AUTS2: variants seen among roughly 807,000 people sequenced by gnomAD.
The protein encoded by AUTS2 is autism susceptibility gene 2 protein.
In AUTS2, 17 loss-of-function variants were observed where a neutral mutation model predicts 112.4. The observed-to-expected ratio is 0.15, with a 90% confidence interval of 0.10 to 0.23. The LOEUF (loss-of-function observed/expected upper bound fraction) is 0.23. Ranked by LOEUF, AUTS2 falls within the 10% of genes least tolerant of loss-of-function variation. The pLI, the probability that AUTS2 is intolerant of heterozygous loss-of-function variation, is 1.00. For synonymous variants in AUTS2, 751 were observed against 702.7 expected, an observed-to-expected ratio of 1.07 and a Z score of -1.09; for missense variants, 1,510 against 1,701.6, an observed-to-expected ratio of 0.89 and a Z score of 1.98.
chr7:70,102,531 TCACA>T (rs141456617), intron 2 of AUTS2, among the ~76,000 whole-genome samples: 41 of 149,744 alleles, frequency 2.7e-4, no homozygotes, highest in Non-Finnish European at 3.0e-5. Context: ...TTTGGTTAGA[TCACA>T]CACACACACA....
At chr7:70,130,357 A>G (rs1362881862) in intron 3 of AUTS2, among the ~76,000 whole-genome samples, 1 of 152,200 alleles carries the variant, frequency 6.6e-6, no homozygotes, top group East Asian at 1.9e-4. Context: ...TATTGTAAGT[A>G]TGCTGTTAAA....
At chr7:69,827,154 A>G (rs2129527065) in intron 1 of AUTS2, among the ~76,000 whole-genome samples, 1 of 152,266 alleles carries the variant, frequency 6.6e-6, no homozygotes, top group East Asian at 1.9e-4. Context: ...GAAAAGAGCC[A>G]CACCCAGGAA....
chr7:70,215,468 G>A (rs376047904), intron 4 of AUTS2, among the ~76,000 whole-genome samples: 7 of 152,176 alleles, frequency 4.6e-5, no homozygotes, highest in Non-Finnish European at 1.0e-4. Flanking sequence ...ACTGAAGAAT[G>A]TTAGGGGCTG....
chr7:69,778,325 A>T (rs1188961849), intron 1 of AUTS2, among the ~76,000 whole-genome samples: 1 of 150,570 alleles, frequency 6.6e-6, no homozygotes, highest in African/African-American at 2.4e-5. Context: ...TGGTCCATAG[A>T]CCACACTTGG....
At chr7:70,504,935 A>G (rs1056138257) in intron 5 of AUTS2, among the ~76,000 whole-genome samples, 1 of 152,212 alleles carries the variant, frequency 6.6e-6, no homozygotes, top group African/African-American at 2.4e-5. Flanking sequence ...TGTAATCTAA[A>G]TGGAAGAGGC....
intron 1 of AUTS2, among the ~76,000 whole-genome samples, chr7:69,737,197 G>A (rs759004805): frequency 2.6e-5 from 4 of 152,118 alleles, no homozygotes; most frequent in African/African-American, 4.8e-5. Context: ...TATGTTGTGC[G>A]AGTGTATAGA....
At chr7:70,781,949 G>C (rs1447039432) in intron 15 of AUTS2, 193 bp downstream of exon 15, 12 of 645,066 alleles carry the variant, frequency 1.9e-5, no homozygotes, top group Non-Finnish European at 2.8e-5. Flanking sequence ...TTTCATTAAA[G>C]GAGGAGGCAG....
intron 2 of AUTS2, among the ~76,000 whole-genome samples, chr7:70,098,129 G>T (rs1562690597): frequency 6.6e-6 from 1 of 152,134 alleles, no homozygotes; most frequent in Non-Finnish European, 1.5e-5. Context: ...GTATTCTTTG[G>T]AGTTTATAAA....
chr7:69,687,728 G>T (rs528739262), intron 1 of AUTS2, among the ~76,000 whole-genome samples: 1 of 152,030 alleles, frequency 6.6e-6, no homozygotes, highest in African/African-American at 2.4e-5. Flanking sequence ...ATCCTAACGC[G>T]TATGATAACC....
chr7:69,730,358 C>T (rs188627654), intron 1 of AUTS2, among the ~76,000 whole-genome samples: 26 of 152,028 alleles, frequency 1.7e-4, no homozygotes, highest in African/African-American at 5.8e-4. Context: ...ACTTGTCATC[C>T]CTTCTGAGAT....
At chr7:69,794,274 A>G (rs565887532) in intron 1 of AUTS2, among the ~76,000 whole-genome samples, 6 of 152,284 alleles carry the variant, frequency 3.9e-5, no homozygotes, top group South Asian at 4.1e-4. Flanking sequence ...CATCTGTCCT[A>G]TAGCACTTTT....
At chr7:69,655,223 T>C (rs1179147066) in intron 1 of AUTS2, among the ~76,000 whole-genome samples, 1 of 152,178 alleles carries the variant, frequency 6.6e-6, no homozygotes, top group Non-Finnish European at 1.5e-5. Context: ...AATCTTGCAT[T>C]GTGGCTGAGT....
chr7:69,745,142 T>C (rs557951964), intron 1 of AUTS2, among the ~76,000 whole-genome samples: 1 of 152,290 alleles, frequency 6.6e-6, no homozygotes, highest in Non-Finnish European at 1.5e-5. Context: ...AAGAAACTCT[T>C]TCTCCGGCTG....
intron 6 of AUTS2, among the ~76,000 whole-genome samples, chr7:70,760,227 G>C (rs13230628): frequency 0.21 from 32,553 of 152,058 alleles, 3,837 homozygotes; most frequent in East Asian, 0.47. Flanking sequence ...GGATGGTCTC[G>C]ATCTCCTGAC....
At position 70,128,673 on chromosome 7, in the gene AUTS2, T is replaced by A. The variant is rs943944710; in HGVS notation, c.625-5863T>A. On this transcript the variant is annotated intron_variant, in intron 3 of 18. Coordinates refer to ENST00000342771, the MANE Select transcript of AUTS2 (RefSeq NM_015570.4). ...GGCTGAACACGTAACTTCTAGCCCA[T>A]GCTAAGGAGGCTGGGTGTTGTATTA... Among the ~76,000 whole-genome samples, 5 of 152,172 alleles carry A rather than the reference T, an allele frequency of 3.3e-5. No homozygotes were observed. The East Asian group carries it at 9.6e-4, about 29-fold the overall frequency.
In AUTS2 at chr7:70,524,795, G is replaced by A. The variant is rs966394797; in HGVS notation, c.690+89014G>A. Among the ~76,000 whole-genome samples the A allele has an allele frequency of 2.5e-4, 38 of 152,174 alleles. 1 individual carries two copies. Among genetic ancestry groups the A allele is most frequent in the Admixed American group, 2.1e-3 (32 of 15,284 alleles). Reference sequence around the variant, plus strand: ...ATAAATGATTGATTAACATCAATAGGAATTGTTCAATATATGCTGTCTGCA... The same window carrying A: ...ATAAATGATTGATTAACATCAATAGAAATTGTTCAATATATGCTGTCTGCA... On this transcript the variant is annotated intron_variant, in intron 5 of 18. Transcript: ENST00000342771.
chr7:70,186,668 G>A (rs1809622334), intron 4 of AUTS2, among the ~76,000 whole-genome samples: 2 of 152,102 alleles, frequency 1.3e-5, no homozygotes, highest in Admixed American at 1.3e-4. Context: ...CTCCTGGGTT[G>A]AAGGATTCTC....
At chr7:70,496,023 CCCCCA>C (rs1798471257) in intron 5 of AUTS2, among the ~76,000 whole-genome samples, 2 of 97,668 alleles carry the variant, frequency 2.0e-5, no homozygotes, top group Non-Finnish European at 4.2e-5. Context: ...ACACACACCC[CCCCCA>C]CACACATGCA....
chr7:70,218,443 A>T (rs573011408), intron 4 of AUTS2, among the ~76,000 whole-genome samples: 2 of 152,316 alleles, frequency 1.3e-5, no homozygotes, highest in South Asian at 4.2e-4. Flanking sequence ...GCTGGGGCAC[A>T]GTAAGATGGC....
Sources: allele counts gnomAD v4.1 joint callset (sites outside exome capture counted in the v4.1 genomes callset), GRCh38; gene constraint gnomAD v4.1.1; transcripts MANE v1.5; gene names NCBI Gene and HGNC (gene_info 2026-07-23, HGNC 2026-07-21).